SLCO6A1: variants seen among roughly 807,000 people sequenced by gnomAD.
The protein encoded by SLCO6A1 is cancer/testis antigen 48.
SLCO6A1 carries 65 observed loss-of-function variants against 72.7 expected under a neutral mutation model. That is an observed-to-expected ratio of 0.89 (90% CI 0.73 to 1.10). SLCO6A1 has a LOEUF of 1.10. Ranked by LOEUF, SLCO6A1 falls within the 50% of genes least tolerant of loss-of-function variation. The pLI is 0.00. For synonymous variants in SLCO6A1, 314 were observed against 298.2 expected (o/e 1.05, Z -0.55); for missense variants, 874 against 872.6 (o/e 1.00, Z -0.02).
At chr5:102,490,263 A>C (rs1485714325) in intron 1 of SLCO6A1, among the ~76,000 whole-genome samples, 1 of 152,252 alleles carries the variant, frequency 6.6e-6, no homozygotes, top group Non-Finnish European at 1.5e-5. Context: ...TTCTCACCAC[A>C]AAGGAATGAT....
At chr5:102,473,296 C>G (rs1751725524) in intron 4 of SLCO6A1, among the ~76,000 whole-genome samples, 1 of 151,938 alleles carries the variant, frequency 6.6e-6, no homozygotes, top group Non-Finnish European at 1.5e-5. Context: ...GGATTTGTTT[C>G]TGGAATATAA....
intron 1 of SLCO6A1, among the ~76,000 whole-genome samples, chr5:102,484,575 A>G (rs1259032718): frequency 6.6e-6 from 1 of 151,934 alleles, no homozygotes; most frequent in East Asian, 1.9e-4. Flanking sequence ...GCTTGAACCC[A>G]GGAGGCAGAG....
At chr5:102,486,638 C>T (rs1752452719) in intron 1 of SLCO6A1, among the ~76,000 whole-genome samples, 2 of 151,992 alleles carry the variant, frequency 1.3e-5, no homozygotes, top group Non-Finnish European at 2.9e-5. Flanking sequence ...AAAACTTGAA[C>T]ATGAATAAAT....
intron 7 of SLCO6A1, among the ~76,000 whole-genome samples, chr5:102,436,790 A>T (rs1749560353): frequency 6.6e-6 from 1 of 152,206 alleles, no homozygotes; most frequent in African/African-American, 2.4e-5. Context: ...ACTAGCTTAC[A>T]CTGCCATCTT....
chr5:102,391,144 T>A, intron 10 of SLCO6A1, 99 bp from the exon 11 acceptor site: 1 of 1,152,584 alleles, frequency 8.7e-7, no homozygotes, highest in South Asian at 1.3e-5. Context: ...TTCTGGTGCA[T>A]CAATTGTACT....
chr5:102,480,086 C>A (rs930343252), intron 2 of SLCO6A1, 91 bp downstream of exon 2: 2 of 1,249,148 alleles, frequency 1.6e-6, no homozygotes, highest in South Asian at 1.5e-5. Flanking sequence ...GATATACAGA[C>A]AAATAATTAT....
At chr5:102,396,895 C>G (rs947821573) in intron 10 of SLCO6A1, among the ~76,000 whole-genome samples, 2 of 152,140 alleles carry the variant, frequency 1.3e-5, no homozygotes, top group Admixed American at 6.5e-5. Context: ...GCTCAGGTCT[C>G]TCTTTCTCCT....
chr5:102,438,224 T>C (rs796262520), intron 7 of SLCO6A1, among the ~76,000 whole-genome samples: 5 of 152,012 alleles, frequency 3.3e-5, no homozygotes, highest in African/African-American at 9.6e-5. Context: ...AACACAAATC[T>C]AAAGAACATA....
intron 9 of SLCO6A1, among the ~76,000 whole-genome samples, chr5:102,402,909 T>C (rs1747476412): frequency 6.6e-6 from 1 of 152,166 alleles, no homozygotes; most frequent in South Asian, 2.1e-4. Flanking sequence ...ATAATGTTAG[T>C]TTCTAAGTTA....
chr5:102,479,563 G>T (rs1752081336), intron 2 of SLCO6A1, among the ~76,000 whole-genome samples: 1 of 151,924 alleles, frequency 6.6e-6, no homozygotes, highest in Non-Finnish European at 1.5e-5. Flanking sequence ...ATTCATCAGG[G>T]TATATAATCC....
chr5:102,375,302 T>C (rs559357760), intron 12 of SLCO6A1, among the ~76,000 whole-genome samples: 28 of 152,220 alleles, frequency 1.8e-4, no homozygotes, highest in Admixed American at 1.7e-3. Context: ...TTCTAGTCAC[T>C]TACCCCTCGA....
At chr5:102,393,127 T>C (rs1746862652) in intron 10 of SLCO6A1, among the ~76,000 whole-genome samples, 1 of 152,156 alleles carries the variant, frequency 6.6e-6, no homozygotes, top group African/African-American at 2.4e-5. Context: ...TATAGCTTCA[T>C]GAAATAAATG....
chr5:102,459,626 C>G (rs146413090), intron 5 of SLCO6A1, 30 bp downstream of exon 5: 34 of 1,556,718 alleles, frequency 2.2e-5, no homozygotes, highest in Non-Finnish European at 2.9e-5. Flanking sequence ...CTACTATCCT[C>G]CAATTTAATA....
At chr5:102,396,243 T>G (rs940210047) in intron 10 of SLCO6A1, among the ~76,000 whole-genome samples, 1 of 152,100 alleles carries the variant, frequency 6.6e-6, no homozygotes, top group African/African-American at 2.4e-5. Context: ...GGGATCCAGT[T>G]TCAGCTTTCT....
chr5:102,481,906 C>G (rs149973354), intron 1 of SLCO6A1, among the ~76,000 whole-genome samples: 2 of 152,112 alleles, frequency 1.3e-5, no homozygotes, highest in African/African-American at 4.8e-5. Context: ...ATGTCACAGC[C>G]CTAACTAAAT....
At chr5:102,374,013 CTTTTTCAATTTTTTTAAATTAATTCT>C (rs1477138653) in intron 12 of SLCO6A1, among the ~76,000 whole-genome samples, 2 of 144,152 alleles carry the variant, frequency 1.4e-5, no homozygotes, top group South Asian at 2.2e-4. Flanking sequence ...TTAATTAATT[CTTTTTCAATTTTTTTAAATTAATTCT>C]TTTTTTTTTT....
intron 1 of SLCO6A1, among the ~76,000 whole-genome samples, chr5:102,489,018 G>A (rs1029910327): frequency 1.6e-4 from 25 of 152,196 alleles, no homozygotes; most frequent in African/African-American, 6.0e-4. Context: ...AGCATAGAAA[G>A]CATAGAAGCA....
At chr5:102,395,144 C>T (rs1256577766) in intron 10 of SLCO6A1, among the ~76,000 whole-genome samples, 1 of 152,032 alleles carries the variant, frequency 6.6e-6, no homozygotes, top group East Asian at 1.9e-4. Context: ...CACCCATTAA[C>T]TCGTCATTTA....
In SLCO6A1 at chr5:102,438,787, TATTA is replaced by T. The variant is rs778662166; in HGVS notation, c.1132-30_1132-27del. 7.1e-5 allele frequency: 102 copies of T among 1,438,936 alleles called. No individual in the cohort carries two copies. In the Middle Eastern group the frequency reaches 2.0e-3, roughly 29 times the overall value. 89.1% of individuals were successfully genotyped at this position (1,438,936 alleles called of 1,614,324 possible). A position where few individuals can be genotyped will look rare whatever the true frequency, so the allele number is the denominator to read the frequency against. On this transcript the variant is annotated intron_variant, in intron 6 of 13. Coordinates refer to ENST00000506729, the MANE Select transcript of SLCO6A1 (RefSeq NM_173488.5). ...CTGAAATAAAAATAAGTTATATATC[TATTA>T]TTTTATTTTGTTAGATAAAGAGGAA... is the stretch of plus-strand genomic sequence containing the variant.
Sources: allele counts gnomAD v4.1 joint callset (sites outside exome capture counted in the v4.1 genomes callset), GRCh38; gene constraint gnomAD v4.1.1; transcripts MANE v1.5; gene names NCBI Gene and HGNC (gene_info 2026-07-23, HGNC 2026-07-21).